Variants in MAGI2 observed in about 807,000 individuals in gnomAD.
MAGI2 encodes membrane associated guanylate kinase, WW and PDZ domain containing 2, also known as membrane-associated guanylate kinase, WW and PDZ domain-containing protein 2.
In MAGI2, 35 loss-of-function variants were observed where a neutral mutation model predicts 133.3. The observed-to-expected ratio is 0.26, with a 90% confidence interval of 0.20 to 0.35. The LOEUF (loss-of-function observed/expected upper bound fraction) is 0.35. MAGI2 is among the 10% of genes least tolerant of loss of function. The probability of loss-of-function intolerance (pLI) is 1.00; values close to 1 mark genes in which losing one functional copy is unlikely to be tolerated. For missense variants in MAGI2, 1,636 were observed against 1,863.4 expected, an observed-to-expected ratio of 0.88 and a Z score of 2.25; for synonymous variants, 729 against 710.6, an observed-to-expected ratio of 1.03 and a Z score of -0.41.
chr7:78,167,148 G>A (rs1374899906), intron 15 of MAGI2, among the ~76,000 whole-genome samples: 1 of 152,078 alleles, frequency 6.6e-6, no homozygotes, highest in East Asian at 1.9e-4. Flanking sequence ...AAGGCTGGGT[G>A]GTTCTGAGGG....
intron 2 of MAGI2, among the ~76,000 whole-genome samples, chr7:78,636,526 C>G (rs1292122516): frequency 6.6e-6 from 1 of 152,086 alleles, no homozygotes; most frequent in South Asian, 2.1e-4. Flanking sequence ...AGGCCGGGCG[C>G]TGTGGCTCAC....
At chr7:78,332,193 G>T (rs1353062946) in intron 9 of MAGI2, among the ~76,000 whole-genome samples, 1 of 152,132 alleles carries the variant, frequency 6.6e-6, no homozygotes, top group Non-Finnish European at 1.5e-5. Flanking sequence ...ACTGTGCAAG[G>T]CAAAAAGAAA....
chr7:78,651,474 T>A (rs1811564811), intron 2 of MAGI2, among the ~76,000 whole-genome samples: 1 of 152,126 alleles, frequency 6.6e-6, no homozygotes, highest in Admixed American at 6.6e-5. Flanking sequence ...CCCTTTCTTA[T>A]TAAAATGCAG....
At chr7:78,465,548 T>A (rs189973880) in intron 6 of MAGI2, among the ~76,000 whole-genome samples, 1 of 152,316 alleles carries the variant, frequency 6.6e-6, no homozygotes, top group African/African-American at 2.4e-5. Context: ...TGAAAAGATG[T>A]AGATTATCAC....
chr7:79,208,892 A>G lies in MAGI2; in HGVS notation c.302-201686T>C, dbSNP rs1180448673. Among the ~76,000 whole-genome samples, 3 of 152,046 alleles carry G rather than the reference A, an allele frequency of 2.0e-5. No individual in the cohort carries two copies. In the East Asian group the frequency reaches 5.8e-4, roughly 29 times the overall value. ...CTGTCATTCGTGACAACATAGATTA[A>G]CCTGGAGGACAACATAGATTAACCA... On this transcript the variant is annotated intron_variant, in intron 1 of 21. Transcript: ENST00000354212.
intron 2 of MAGI2, among the ~76,000 whole-genome samples, chr7:78,654,425 C>T (rs964587195): frequency 6.6e-6 from 1 of 151,946 alleles, no homozygotes; most frequent in African/African-American, 2.4e-5. Context: ...CCTGGTCCCA[C>T]AAGATGCTCT....
At chr7:79,360,225 T>G (rs918948152) in intron 1 of MAGI2, among the ~76,000 whole-genome samples, 3 of 152,154 alleles carry the variant, frequency 2.0e-5, no homozygotes, top group Non-Finnish European at 2.9e-5. Flanking sequence ...TGATGTCTTT[T>G]GTTTCCAAAG....
intron 7 of MAGI2, among the ~76,000 whole-genome samples, chr7:78,365,312 T>A (rs767137222): frequency 1.2e-4 from 19 of 152,130 alleles, no homozygotes; most frequent in Non-Finnish European, 2.5e-4. Flanking sequence ...AGGGAGGAGA[T>A]GTTCTTGAGG....
intron 1 of MAGI2, among the ~76,000 whole-genome samples, chr7:79,339,281 T>C (rs1840709279): frequency 1.3e-5 from 2 of 152,054 alleles, no homozygotes; most frequent in Admixed American, 6.6e-5. Flanking sequence ...TTAAAAATAA[T>C]GTTTATTTAC....
At chr7:78,455,987 CT>C (rs3217133) in intron 6 of MAGI2, among the ~76,000 whole-genome samples, 49,843 of 151,642 alleles carry the variant, frequency 0.33, 11,322 homozygotes, top group African/African-American at 0.65. Flanking sequence ...TCGATATTTT[CT>C]TTACAGCTCT....
At chr7:78,568,775 T>C (rs945689046) in intron 3 of MAGI2, among the ~76,000 whole-genome samples, 12 of 152,060 alleles carry the variant, frequency 7.9e-5, no homozygotes, top group African/African-American at 2.9e-4. Flanking sequence ...GTTTGTAAAT[T>C]ATGCCTTAAT....
chr7:79,126,907 G>C (rs527760435), intron 1 of MAGI2, among the ~76,000 whole-genome samples: 8 of 151,716 alleles, frequency 5.3e-5, no homozygotes, highest in South Asian at 2.1e-4. Context: ...CCATTAACTC[G>C]TCATTTAGCA....
chr7:78,101,997 AAT>A (rs1474004846), intron 20 of MAGI2, among the ~76,000 whole-genome samples: 1 of 152,194 alleles, frequency 6.6e-6, no homozygotes, highest in Non-Finnish European at 1.5e-5. Context: ...AAAAAAATGG[AAT>A]ATATATATGA....
intron 2 of MAGI2, among the ~76,000 whole-genome samples, chr7:78,906,266 C>T (rs1013688299): frequency 3.3e-5 from 5 of 152,166 alleles, no homozygotes; most frequent in Admixed American, 2.0e-4. Flanking sequence ...ATTCTGTCAC[C>T]GCTAGAAAAG....
At chr7:78,413,281 C>T (rs538531349) in intron 6 of MAGI2, among the ~76,000 whole-genome samples, 13 of 152,108 alleles carry the variant, frequency 8.5e-5, no homozygotes, top group Non-Finnish European at 1.6e-4. Context: ...ATATGTAATT[C>T]GGGTCAGCTG....
chr7:78,571,710 TAGG>T (rs955469105), intron 3 of MAGI2, among the ~76,000 whole-genome samples: 6 of 151,676 alleles, frequency 4.0e-5, no homozygotes, highest in East Asian at 1.9e-4. Context: ...GAAAGAAAAA[TAGG>T]AGGAAGAAAA....
intron 6 of MAGI2, among the ~76,000 whole-genome samples, chr7:78,380,607 C>T (rs1794834971): frequency 6.6e-6 from 1 of 151,784 alleles, no homozygotes. Flanking sequence ...GTAAGGGTAG[C>T]AGAGGAAGGG....
At chr7:78,465,802 A>C (rs1184696042) in intron 6 of MAGI2, among the ~76,000 whole-genome samples, 1 of 152,146 alleles carries the variant, frequency 6.6e-6, no homozygotes, top group African/African-American at 2.4e-5. Context: ...CAAATCCGTA[A>C]ACCAAATCCC....
At chr7:78,575,783 A>AAATAATTATT (rs1312953652) in intron 3 of MAGI2, among the ~76,000 whole-genome samples, 19 of 152,230 alleles carry the variant, frequency 1.2e-4, no homozygotes, top group Admixed American at 1.2e-3. Flanking sequence ...ATTGTGAGTC[A>AAATAATTATT]CCAAAAATAA....
Sources: allele counts gnomAD v4.1 joint callset (sites outside exome capture counted in the v4.1 genomes callset), GRCh38; gene constraint gnomAD v4.1.1; transcripts MANE v1.5; gene names NCBI Gene and HGNC (gene_info 2026-07-23, HGNC 2026-07-21).